FNIP2: variants seen among roughly 807,000 people sequenced by gnomAD.
The protein encoded by FNIP2 is folliculin-interacting protein 2.
FNIP2 carries 32 observed loss-of-function variants against 108.7 expected under a neutral mutation model. That is an observed-to-expected ratio of 0.29 (90% CI 0.22 to 0.40). The LOEUF is 0.40. Ranked by LOEUF, FNIP2 falls within the 10% of genes least tolerant of loss-of-function variation. FNIP2 has a pLI of 1.00. For missense variants in FNIP2, 1,202 were observed against 1,381.6 expected (o/e 0.87, Z 2.06); for synonymous variants, 480 against 496.7 (o/e 0.97, Z 0.45).
rs34074378 is a variant in FNIP2, at chr4:158,866,221, C to CTTTTTTTTT, written c.1466-1874_1466-1866dup. 1.9e-3 allele frequency among the ~76,000 whole-genome samples: 112 copies of CTTTTTTTTT among 59,760 alleles called. 44 individuals are homozygous for CTTTTTTTTT. Among genetic ancestry groups the CTTTTTTTTT allele is most frequent in the African/African-American group, 5.2e-3 (78 of 14,954 alleles). 39.2% of individuals were successfully genotyped at this position (59,760 alleles called of 152,430 possible). On this transcript the variant is annotated intron_variant, in intron 12 of 16. Transcript: ENST00000264433. ...GATTTGTTCCAATATTCTGGTTATTCTTTTTTTTTTTTTTTGAGACAGAGT... is the reference window on the plus strand; with the variant it reads ...GATTTGTTCCAATATTCTGGTTATTCTTTTTTTTTTTTTTTTTTTTTTTTGAGACAGAGT...
At chr4:158,837,575 T>G (rs1778879900) in intron 7 of FNIP2, among the ~76,000 whole-genome samples, 1 of 152,222 alleles carries the variant, frequency 6.6e-6, no homozygotes, top group Non-Finnish European at 1.5e-5. Context: ...AAATTGCTCC[T>G]GAAACTACTT....
chr4:158,793,264 C>T (rs181580799), intron 1 of FNIP2, among the ~76,000 whole-genome samples: 1 of 152,194 alleles, frequency 6.6e-6, no homozygotes, highest in Non-Finnish European at 1.5e-5. Context: ...TTCCAAGAAC[C>T]CTGAGACGTG....
In FNIP2 at chr4:158,859,561, C is replaced by CT. The variant is rs771737559; in HGVS notation, c.1060-14dup. 5 of 1,603,518 alleles carry CT rather than the reference C, an allele frequency of 3.1e-6. No homozygotes were observed. The South Asian group carries it at 3.3e-5, about 11-fold the overall frequency. ...AATTTCTTCTCAGTAATTTGACTTG[C>CT]TTTCTCTTCAATAAAGGCTATGATC... On this transcript the variant is annotated splice_polypyrimidine_tract_variant and intron_variant, in intron 9 of 16. Transcript: ENST00000264433.
Position 158,868,538 on chromosome 4 carries a change from G to A in FNIP2, c.1902G>A (p.Leu634=). 1 of 1,613,758 alleles carries A rather than the reference G, an allele frequency of 6.2e-7. No individual in the cohort carries two copies. Among genetic ancestry groups the A allele is most frequent in the Non-Finnish European group, 8.5e-7 (1 of 1,179,778 alleles). ...QGSEACSAGC[L]GPASDASWKP... ...CTGAGGCTTGCAGCGCAGGGTGCCT[G>A]GGGCCAGCATCAGACGCTTCCTGGA... is the stretch of plus-strand genomic sequence containing the variant. The change falls in exon 13 of 17, where the codon CTG becomes CTA. Residue 634 remains leucine (L), a synonymous_variant. Transcript: ENST00000264433. This position sits in a 1 kb window ranked among gnomAD's most constrained non-coding sequence, Gnocchi z 4.6.
intron 6 of FNIP2, chr4:158,833,869 C>T (rs1225688878): frequency 5.5e-6 from 8 of 1,449,944 alleles, no homozygotes; most frequent in South Asian, 1.3e-5. Flanking sequence ...CCGGCTCACC[C>T]GGAGTGCTTC....
At chr4:158,894,170 C>CTTTTTTTTTTTTTTTTTTTTTTTTTT (rs5863337) in intron 15 of FNIP2, among the ~76,000 whole-genome samples, 1 of 127,476 alleles carries the variant, frequency 7.8e-6, no homozygotes, top group Non-Finnish European at 1.7e-5. Context: ...AAAATGTTTT[C>CTTTTTTTTTTTTTTTTTTTTTTTTTT]TTTTTTTTTT....
intron 10 of FNIP2, 91 bp from the exon 11 acceptor site, chr4:158,861,251 C>G: frequency 7.2e-7 from 1 of 1,397,422 alleles, no homozygotes; most frequent in Non-Finnish European, 9.5e-7. Context: ...TACATAGATT[C>G]AAGTTGTTTT....
chr4:158,800,386 A>G (rs1353553496), intron 1 of FNIP2, among the ~76,000 whole-genome samples: 1 of 152,188 alleles, frequency 6.6e-6, no homozygotes, highest in Admixed American at 6.5e-5. Context: ...ATAAATATTA[A>G]TGATAGCAAT....
intron 1 of FNIP2, among the ~76,000 whole-genome samples, chr4:158,804,249 T>C (rs1445039731): frequency 6.6e-6 from 1 of 152,114 alleles, no homozygotes; most frequent in Non-Finnish European, 1.5e-5. Flanking sequence ...GCCCATATCA[T>C]AGTTTTAATG....
intron 1 of FNIP2, among the ~76,000 whole-genome samples, chr4:158,823,814 A>T (rs1578868552): frequency 6.6e-6 from 1 of 152,164 alleles, no homozygotes; most frequent in South Asian, 2.1e-4. Flanking sequence ...GGGCTGGCTC[A>T]CACAGCCAGC....
At chr4:158,790,053 A>G (rs1393153459) in intron 1 of FNIP2, among the ~76,000 whole-genome samples, 2 of 152,040 alleles carry the variant, frequency 1.3e-5, no homozygotes, top group Non-Finnish European at 2.9e-5. Context: ...CAAAACTGCT[A>G]CATATGCAAA....
intron 14 of FNIP2, among the ~76,000 whole-genome samples, chr4:158,886,691 G>A (rs1782042419): frequency 6.6e-6 from 1 of 152,216 alleles, no homozygotes; most frequent in African/African-American, 2.4e-5. Context: ...AGAGAAAAGA[G>A]GGTAATTGAT....
intron 9 of FNIP2, 25 bp downstream of exon 9, chr4:158,859,283 AAAT>A: frequency 6.4e-7 from 1 of 1,573,982 alleles, no homozygotes; most frequent in Non-Finnish European, 8.6e-7. Context: ...ATCCAAAGTC[AAAT>A]AGAGAAGTGA....
chr4:158,824,971 T>C (rs1778075509), intron 1 of FNIP2, among the ~76,000 whole-genome samples: 1 of 152,238 alleles, frequency 6.6e-6, no homozygotes, highest in Non-Finnish European at 1.5e-5. Context: ...TGTTTACTGC[T>C]CCTTTTTGTA....
At chr4:158,798,383 T>C (rs1280628670) in intron 1 of FNIP2, among the ~76,000 whole-genome samples, 1 of 152,190 alleles carries the variant, frequency 6.6e-6, no homozygotes, top group African/African-American at 2.4e-5. Flanking sequence ...TTTTTCTTAA[T>C]CCAAGTCTTT....
At position 158,769,390 on chromosome 4, in the gene FNIP2, G is replaced by C. The variant is rs1185620472; in HGVS notation, c.107+71G>C. On this transcript the variant is annotated intron_variant, in intron 1 of 16. Coordinates refer to ENST00000264433, the MANE Select transcript of FNIP2 (RefSeq NM_020840.3). Reference sequence around the variant, plus strand: ...CTTCGGTGCTCGCCGGGGAGGGGACGGGTAGGGGAAAGGGAAGGGACTGTC... The same window carrying C: ...CTTCGGTGCTCGCCGGGGAGGGGACCGGTAGGGGAAAGGGAAGGGACTGTC... 3.6e-6 allele frequency: 4 copies of C among 1,100,146 alleles called. 1 individual carries two copies. In the South Asian group the frequency reaches 6.5e-5, roughly 18 times the overall value. 68.1% of individuals were successfully genotyped at this position (1,100,146 alleles called of 1,614,324 possible). A position where few individuals can be genotyped will look rare whatever the true frequency, so the allele number is the denominator to read the frequency against.
intron 1 of FNIP2, among the ~76,000 whole-genome samples, chr4:158,823,183 A>T (rs1052829348): frequency 6.6e-6 from 1 of 152,054 alleles, no homozygotes; most frequent in African/African-American, 2.4e-5. Context: ...ATTAAATCTG[A>T]TTTTTTTTAC....
At chr4:158,814,701 G>A (rs1420693842) in intron 1 of FNIP2, among the ~76,000 whole-genome samples, 1 of 152,150 alleles carries the variant, frequency 6.6e-6, no homozygotes, top group African/African-American at 2.4e-5. Context: ...TTTGGGGGAG[G>A]GAGGGGATGA....
At position 158,899,755 on chromosome 4, in the gene FNIP2, G is replaced by A. The variant is rs187581388; in HGVS notation, c.3266+3890G>A. 2.5e-3 allele frequency among the ~76,000 whole-genome samples: 375 copies of A among 152,038 alleles called. 2 individuals carry two copies. Among genetic ancestry groups the A allele is most frequent in the African/African-American group, 8.6e-3 (355 of 41,442 alleles). ...ATATTCTCTTCTTTCTTCTTTATTA[G>A]TCTGGCTAGTGGTCTATTTTGTTGA... is the stretch of plus-strand genomic sequence containing the variant. On this transcript the variant is annotated intron_variant, in intron 16 of 16. Coordinates refer to ENST00000264433, the MANE Select transcript of FNIP2 (RefSeq NM_020840.3).
Sources: allele counts gnomAD v4.1 joint callset (sites outside exome capture counted in the v4.1 genomes callset), GRCh38; gene constraint gnomAD v4.1.1; non-coding constraint Gnocchi (gnomAD v3.1); transcripts MANE v1.5; gene names NCBI Gene and HGNC (gene_info 2026-07-23, HGNC 2026-07-21).